Variants in TXNDC12 observed in about 807,000 individuals in gnomAD.
TXNDC12 encodes the protein thioredoxin domain containing 12.
TXNDC12 carries 22 observed loss-of-function variants against 24.2 expected under a neutral mutation model. The observed-to-expected ratio is 0.91, with a 90% confidence interval of 0.65 to 1.30. The LOEUF is 1.30. TXNDC12 is among the 50% of genes most tolerant of loss of function. The probability of loss-of-function intolerance (pLI) is 0.00; values close to 1 mark genes in which losing one functional copy is unlikely to be tolerated. For synonymous variants in TXNDC12, 58 were observed against 73.4 expected (o/e 0.79, Z 1.07); for missense variants, 184 against 205.8 (o/e 0.89, Z 0.65).
intron 1 of TXNDC12, among the ~76,000 whole-genome samples, chr1:52,046,199 G>GA (rs35664785): frequency 0.75 from 109,522 of 146,442 alleles, 44,072 homozygotes; most frequent in Non-Finnish European, 0.89. Flanking sequence ...ATTCTGTCTC[G>GA]AAAAAAAAAA....
At chr1:52,033,752 C>T (rs990225552) in intron 2 of TXNDC12, 2 of 1,597,610 alleles carry the variant, frequency 1.3e-6, no homozygotes, top group Non-Finnish European at 1.7e-6. Context: ...CAAAACACCA[C>T]GAGCGGCATC....
chr1:52,033,377 T>C lies in TXNDC12; in HGVS notation c.159-4747A>G, dbSNP rs770581612. 17 of 1,613,436 alleles carry C rather than the reference T, an allele frequency of 1.1e-5. No individual in the cohort carries two copies. Among genetic ancestry groups the C allele is most frequent in the Middle Eastern group, 3.3e-4 (2 of 6,084 alleles). ...CGTGGCCGCCAACTCACACTGACGT[T>C]CCGGCCAGGGTTCTCGTTCGCGCCC... On this transcript the variant is annotated intron_variant, in intron 2 of 6. Transcript: ENST00000371626.
At chr1:52,034,644 A>T (rs1465770347) in intron 2 of TXNDC12, among the ~76,000 whole-genome samples, 2 of 152,050 alleles carry the variant, frequency 1.3e-5, no homozygotes. Context: ...ATGAGGTTGT[A>T]TGTTGCTAAG....
chr1:52,044,465 TGAA>T (rs1686050922), intron 1 of TXNDC12, among the ~76,000 whole-genome samples: 3 of 152,140 alleles, frequency 2.0e-5, no homozygotes, highest in South Asian at 2.1e-4. Context: ...GGATAGCCAA[TGAA>T]GAAGAACAAC....
intron 6 of TXNDC12, chr1:52,023,184 A>G: frequency 3.6e-6 from 1 of 278,368 alleles, no homozygotes; most frequent in Non-Finnish European, 6.8e-6. Context: ...CTCAGTAGGA[A>G]AAAAACTAAG....
chr1:52,024,473 A>G, intron 5 of TXNDC12, 37 bp downstream of exon 5: 1 of 1,516,366 alleles, frequency 6.6e-7, no homozygotes, highest in Non-Finnish European at 9.1e-7. Context: ...CTCTCCATCC[A>G]CATCATGGAT....
intron 1 of TXNDC12, among the ~76,000 whole-genome samples, chr1:52,046,874 T>C (rs866181468): frequency 5.8e-5 from 8 of 138,254 alleles, no homozygotes; most frequent in Non-Finnish European, 1.5e-5. Flanking sequence ...AAAATATATA[T>C]ATATATATAT....
Position 52,033,611 on chromosome 1 carries a change from C to T in TXNDC12, c.159-4981G>A, listed in dbSNP as rs1328821873. The T allele has an allele frequency of 1.9e-6, 3 of 1,612,734 alleles. No individual in the cohort carries two copies. The South Asian group carries it at 3.3e-5, about 18-fold the overall frequency. On this transcript the variant is annotated intron_variant, in intron 2 of 6. Transcript: ENST00000371626. ...CGCAATGCCTTCTCACGGGCAGAATCGCCGTACACCGCTGGGTCCTCTGCG... is the reference window on the plus strand; with the variant it reads ...CGCAATGCCTTCTCACGGGCAGAATTGCCGTACACCGCTGGGTCCTCTGCG...
At chr1:52,048,440 C>CACCCT (rs1365108476) in intron 1 of TXNDC12, among the ~76,000 whole-genome samples, 2 of 147,724 alleles carry the variant, frequency 1.4e-5, no homozygotes, top group African/African-American at 5.0e-5. Flanking sequence ...CACTCTAGCT[C>CACCCT]GGGCAACAGA....
Position 52,055,137 on chromosome 1 carries a change from G to C in TXNDC12, c.-41C>G, listed in dbSNP as rs377746423. The C allele has an allele frequency of 7.0e-7, 1 of 1,429,372 alleles. No individual in the cohort carries two copies. Among genetic ancestry groups the C allele is most frequent in the African/African-American group, 1.4e-5 (1 of 71,216 alleles). The allele number at this position is 1,429,372 out of a possible 1,614,324, so 88.5% of individuals were successfully genotyped here. ...GGGCCACGGGGCTGAGCGGACGCAG[G>C]GCCGGAGTCCCAGCAGACGGTCCAC... On this transcript the variant is annotated 5_prime_UTR_variant, in exon 1 of 7. Transcript: ENST00000371626.
intron 2 of TXNDC12, chr1:52,032,809 A>C: frequency 6.2e-7 from 1 of 1,614,170 alleles, no homozygotes; most frequent in Non-Finnish European, 8.5e-7. Flanking sequence ...AAGGCGACTC[A>C]GTTCTGCCAT....
At chr1:52,052,113 T>C (rs1686217650) in intron 1 of TXNDC12, among the ~76,000 whole-genome samples, 1 of 152,222 alleles carries the variant, frequency 6.6e-6, no homozygotes, top group African/African-American at 2.4e-5. Flanking sequence ...TATGTGCTCC[T>C]GCAGCTACCT....
At chr1:52,034,683 AT>A (rs1018395663) in intron 2 of TXNDC12, among the ~76,000 whole-genome samples, 4 of 152,016 alleles carry the variant, frequency 2.6e-5, no homozygotes, top group Non-Finnish European at 5.9e-5. Flanking sequence ...GGCTCAAGTA[AT>A]TGTGCCACCT....
intron 2 of TXNDC12, chr1:52,033,321 C>T (rs1331407482): frequency 6.2e-7 from 1 of 1,613,860 alleles, no homozygotes; most frequent in Admixed American, 1.7e-5. Flanking sequence ...CGCTGCTGCC[C>T]GCCGCCTGGG....
chr1:52,026,046 G>T (rs1685667868), intron 4 of TXNDC12, among the ~76,000 whole-genome samples: 1 of 151,940 alleles, frequency 6.6e-6, no homozygotes, highest in Non-Finnish European at 1.5e-5. Context: ...GGCCAGGCTG[G>T]TCTTGAACTC....
Position 52,037,207 on chromosome 1 carries a change from CTT to C in TXNDC12, c.158+4328_158+4329del, listed in dbSNP as rs34590025. On this transcript the variant is annotated intron_variant, in intron 2 of 6. Coordinates refer to ENST00000371626, the MANE Select transcript of TXNDC12 (RefSeq NM_015913.4). Reference sequence around the variant, plus strand: ...TTGTGTTTGGAGGCAAATAGACCACCTTTTTTTTTTTTTTTTTTTTTTGAGAC... The same window carrying C: ...TTGTGTTTGGAGGCAAATAGACCACCTTTTTTTTTTTTTTTTTTTTGAGAC... 6.8e-3 allele frequency among the ~76,000 whole-genome samples: 835 copies of C among 123,504 alleles called. 3 individuals carry two copies. The highest frequency in any genetic ancestry group is 0.025 in the African/African-American group (779 of 31,074). 81.0% of individuals were successfully genotyped at this position (123,504 alleles called of 152,430 possible).
At chr1:52,026,418 A>C (rs1685672475) in intron 4 of TXNDC12, among the ~76,000 whole-genome samples, 1 of 152,204 alleles carries the variant, frequency 6.6e-6, no homozygotes, top group Non-Finnish European at 1.5e-5. Flanking sequence ...TATATGAGGT[A>C]TGTAAAAGCT....
At chr1:52,023,174 C>G (rs997714198) in intron 6 of TXNDC12, 6 of 263,630 alleles carry the variant, frequency 2.3e-5, no homozygotes, top group Non-Finnish European at 4.4e-5. Flanking sequence ...ACAGTATTAG[C>G]TCAGTAGGAA....
chr1:52,055,572 C>T (rs895565559), upstream of TXNDC12: 8 of 176,774 alleles, frequency 4.5e-5, no homozygotes, highest in Admixed American at 1.7e-4. Context: ...CTCGGATTCT[C>T]CTTACCCCTC....
Sources: gnomAD v4.1 joint callset for allele counts (sites outside exome capture counted in the v4.1 genomes callset) on GRCh38, gnomAD v4.1.1 for gene constraint, MANE v1.5 for transcripts, NCBI Gene and HGNC (gene_info 2026-07-23, HGNC 2026-07-21) for gene names.